ZFAT: variants seen among roughly 807,000 people sequenced by gnomAD.
ZFAT encodes zinc finger and AT-hook domain containing, also known as zinc finger protein ZFAT.
In ZFAT, 64 loss-of-function variants were observed where a neutral mutation model predicts 117.7. The observed-to-expected ratio is 0.54, with a 90% CI of 0.44 to 0.67. ZFAT has a LOEUF of 0.67. ZFAT is among the 30% of genes least tolerant of loss of function. The probability of loss-of-function intolerance (pLI) is 0.00; values close to 1 mark genes in which losing one functional copy is unlikely to be tolerated. For missense variants in ZFAT, 1,433 were observed against 1,584.5 expected (o/e 0.90, Z 1.62); for synonymous variants, 679 against 615.0 (o/e 1.10, Z -1.54).
chr8:134,532,917 C>T lies in ZFAT; in HGVS notation c.3032G>A (p.Arg1011Gln), dbSNP rs777416216. 1.8e-5 allele frequency: 29 copies of T among 1,609,310 alleles called. No homozygotes were observed. The highest frequency in any genetic ancestry group is 2.2e-5 in the East Asian group (1 of 44,760). The stretch of plus-strand genomic sequence containing the variant: ...ATTAGGGTGCTTCCTGTTGTAGTGC[C>T]GCTTCAGAGAGCCAGATATGTTGCA... ...YSCNISGSLKRHYNRKHPNEE... is the reference protein window; with the variant it reads ...YSCNISGSLKQHYNRKHPNEE... The change falls in exon 12 of 16, where the codon CGG becomes CAG. Residue 1011 changes from arginine to glutamine, a missense_variant. Arg to Gln is a conservative substitution (Grantham distance 43, BLOSUM62 1). Transcript: ENST00000377838.
the ZFAT span, among the ~76,000 whole-genome samples, chr8:134,828,132 C>G: frequency 6.6e-6 from 1 of 152,140 alleles, no homozygotes; most frequent in Non-Finnish European, 1.5e-5. Flanking sequence ...TCATTTGAGA[C>G]AGTCCCTTGG....
At chr8:134,563,353 C>T (rs1185866197) in intron 11 of ZFAT, among the ~76,000 whole-genome samples, 1 of 152,168 alleles carries the variant, frequency 6.6e-6, no homozygotes, top group African/African-American at 2.4e-5. Flanking sequence ...GAGAAAAGCA[C>T]AAGACTAGGA....
chr8:134,519,443 T>C (rs1039666187), intron 13 of ZFAT, among the ~76,000 whole-genome samples: 1 of 152,248 alleles, frequency 6.6e-6, no homozygotes, highest in Non-Finnish European at 1.5e-5. Flanking sequence ...TATATATGTG[T>C]GCATATATTA....
At chr8:134,540,042 A>G (rs141981443) in intron 11 of ZFAT, among the ~76,000 whole-genome samples, 1 of 152,356 alleles carries the variant, frequency 6.6e-6, no homozygotes, top group African/African-American at 2.4e-5. Context: ...GAGAATCATA[A>G]AACCCCATAG....
chr8:134,684,295 T>C (rs1203229028), intron 1 of ZFAT, among the ~76,000 whole-genome samples: 1 of 152,176 alleles, frequency 6.6e-6, no homozygotes, highest in African/African-American at 2.4e-5. Context: ...TTTCACATCT[T>C]ACACAACAGG....
intron 1 of ZFAT, among the ~76,000 whole-genome samples, chr8:134,689,784 C>T (rs756738700): frequency 2.0e-5 from 3 of 152,190 alleles, no homozygotes; most frequent in Admixed American, 1.3e-4. Context: ...CGGACAGATG[C>T]GTGACTCTGC....
intron 10 of ZFAT, among the ~76,000 whole-genome samples, chr8:134,573,339 T>A (rs1825073777): frequency 6.6e-6 from 1 of 152,132 alleles, no homozygotes; most frequent in African/African-American, 2.4e-5. Context: ...AGAACCTTCC[T>A]TGGAAGGTTC....
chr8:134,770,168 T>A, the ZFAT span, among the ~76,000 whole-genome samples: 3 of 152,132 alleles, frequency 2.0e-5, no homozygotes, highest in Admixed American at 2.0e-4. Flanking sequence ...ACAGCTTGAA[T>A]TTCTCCTCAG....
At chr8:134,655,003 G>A (rs1380649468) in intron 2 of ZFAT, among the ~76,000 whole-genome samples, 1 of 152,200 alleles carries the variant, frequency 6.6e-6, no homozygotes, top group Non-Finnish European at 1.5e-5. Context: ...GTGACCCCAA[G>A]CTGAGTGAGT....
the ZFAT span, among the ~76,000 whole-genome samples, chr8:134,756,931 G>C: frequency 6.6e-6 from 1 of 152,052 alleles, no homozygotes; most frequent in African/African-American, 2.4e-5. Context: ...TGTGAGTGGA[G>C]GCTTTGGGTT....
chr8:134,785,285 T>A, the ZFAT span: 2 of 152,184 alleles, frequency 1.3e-5, no homozygotes, highest in Non-Finnish European at 2.9e-5. Context: ...TCCTGGTAGA[T>A]AATTGCAAGG....
chr8:134,663,765 G>C (rs574680303), intron 1 of ZFAT, among the ~76,000 whole-genome samples: 1 of 152,114 alleles, frequency 6.6e-6, no homozygotes, highest in African/African-American at 2.4e-5. Flanking sequence ...CATAACATCT[G>C]TATTTTCTAC....
the ZFAT span, chr8:134,785,443 T>G: frequency 6.6e-6 from 1 of 152,094 alleles, no homozygotes; most frequent in Non-Finnish European, 1.5e-5. Context: ...TTCCTTACAT[T>G]GGTTCAAATT....
At chr8:134,825,890 G>C in the ZFAT span, among the ~76,000 whole-genome samples, 1 of 151,916 alleles carries the variant, frequency 6.6e-6, no homozygotes, top group African/African-American at 2.4e-5. Flanking sequence ...GCGTGGTGGC[G>C]GGCGCCTGTA....
intron 1 of ZFAT, among the ~76,000 whole-genome samples, chr8:134,672,209 C>A (rs2131267607): frequency 6.6e-6 from 1 of 152,322 alleles, no homozygotes; most frequent in Admixed American, 6.5e-5. Flanking sequence ...AATGCCATCC[C>A]CATCAAGCTA....
At chr8:134,550,310 G>A (rs1261111911) in intron 11 of ZFAT, among the ~76,000 whole-genome samples, 61 of 72,458 alleles carry the variant, frequency 8.4e-4, no homozygotes, top group South Asian at 2.0e-3. Flanking sequence ...GGTCACAACG[G>A]AAAAAAAAAA....
chr8:134,793,731 C>CCGGGGGG, the ZFAT span: 1 of 117,542 alleles, frequency 8.5e-6, no homozygotes, highest in African/African-American at 3.7e-5. Context: ...AGTCAAGAGT[C>CCGGGGGG]CGGGGGCTGG....
At chr8:134,629,802 C>T (rs1720066850) in intron 3 of ZFAT, among the ~76,000 whole-genome samples, 1 of 152,210 alleles carries the variant, frequency 6.6e-6, no homozygotes, top group South Asian at 2.1e-4. Context: ...CATAACTTAT[C>T]CAGTCTCAGG....
At chr8:134,694,146 G>T (rs561281936) in intron 1 of ZFAT, among the ~76,000 whole-genome samples, 27 of 152,210 alleles carry the variant, frequency 1.8e-4, no homozygotes, top group Admixed American at 1.2e-3. Context: ...TGGAACGCGG[G>T]GCGCAGCTGA....
Sources: gnomAD v4.1 joint callset for allele counts (sites outside exome capture counted in the v4.1 genomes callset) on GRCh38, gnomAD v4.1.1 for gene constraint, MANE v1.5 for transcripts, NCBI Gene and HGNC (gene_info 2026-07-23, HGNC 2026-07-21) for gene names.